SMG6: variants seen among roughly 807,000 people sequenced by gnomAD.
SMG6 encodes SMG6 nonsense mediated mRNA decay factor.
Under a neutral mutation model 142.2 loss-of-function variants are expected in SMG6, and 66 were observed. The observed-to-expected ratio is 0.46, with a 90% CI of 0.38 to 0.57. SMG6 has a LOEUF of 0.57. SMG6 is among the 20% of genes least tolerant of loss of function. The probability of loss-of-function intolerance (pLI) is 0.00; values close to 1 mark genes in which losing one functional copy is unlikely to be tolerated. For synonymous variants in SMG6, 779 were observed against 702.4 expected (o/e 1.11, Z -1.72); for missense variants, 1,793 against 1,832.0 (o/e 0.98, Z 0.39).
intron 8 of SMG6, among the ~76,000 whole-genome samples, chr17:2,262,892 G>A (rs1344186418): frequency 6.6e-6 from 1 of 152,146 alleles, no homozygotes; most frequent in Non-Finnish European, 1.5e-5. Flanking sequence ...TTTCCTCAGA[G>A]ACTACTAGCT....
chr17:2,183,365 C>T (rs997772371), intron 12 of SMG6, among the ~76,000 whole-genome samples: 4 of 152,148 alleles, frequency 2.6e-5, no homozygotes, highest in South Asian at 2.1e-4. Context: ...GGAGCCTACA[C>T]GCACAGTTGT....
intron 1 of SMG6, 178 bp downstream of exon 1, chr17:2,303,455 C>T (rs1038282100): frequency 3.7e-5 from 49 of 1,314,316 alleles, no homozygotes; most frequent in Middle Eastern, 2.9e-4. Flanking sequence ...CCGAGCCCGA[C>T]CCCGCACTAA....
chr17:2,174,132 C>T (rs2071589605), intron 12 of SMG6, among the ~76,000 whole-genome samples: 2 of 152,140 alleles, frequency 1.3e-5, no homozygotes, highest in Admixed American at 6.5e-5. Flanking sequence ...GGTGTGGTGG[C>T]TCACGCCTGT....
intron 13 of SMG6, 114 bp downstream of exon 13, chr17:2,172,544 C>T: frequency 5.4e-6 from 6 of 1,116,644 alleles, no homozygotes; most frequent in East Asian, 2.5e-5. Flanking sequence ...CCCTTAACAC[C>T]CTTCTCAATG....
chr17:2,140,760 T>TA (rs959101241), intron 13 of SMG6, among the ~76,000 whole-genome samples: 143 of 148,666 alleles, frequency 9.6e-4, no homozygotes, highest in African/African-American at 2.3e-3. Flanking sequence ...AGTATTCAAT[T>TA]AAAAAAAAAA....
intron 13 of SMG6, among the ~76,000 whole-genome samples, chr17:2,104,674 A>T (rs916521968): frequency 1.3e-5 from 2 of 152,116 alleles, no homozygotes; most frequent in African/African-American, 4.8e-5. Flanking sequence ...GCTGTGGTGT[A>T]GATGAAGTGG....
intron 12 of SMG6, among the ~76,000 whole-genome samples, chr17:2,186,359 A>T (rs907321150): frequency 6.6e-6 from 1 of 152,154 alleles, no homozygotes; most frequent in African/African-American, 2.4e-5. Context: ...AGGCAGCTGC[A>T]GAGATGGTGA....
Position 2,283,480 on chromosome 17 carries a change from G to A in SMG6, c.2448+145C>T, listed in dbSNP as rs904749664. 5.5e-5 allele frequency: 37 copies of A among 672,758 alleles called. 1 individual carries two copies. The highest frequency in any genetic ancestry group is 3.3e-4 in the South Asian group (19 of 57,346). The allele number at this position is 672,758 out of a possible 1,614,324, so 41.7% of individuals were successfully genotyped here. On this transcript the variant is annotated intron_variant, in intron 7 of 18. Transcript: ENST00000263073. ...TTAAGGACACTATGAGTCATTCCCC[G>A]AGGACACACAGACACTGAGCAATAA...
At chr17:2,188,544 G>GC in intron 10 of SMG6, 29 bp from the exon 11 acceptor site, 1 of 1,593,630 alleles carries the variant, frequency 6.3e-7, no homozygotes, top group Non-Finnish European at 8.6e-7. Flanking sequence ...AACTCTCAGC[G>GC]CCCCAGGCGG....
chr17:2,160,119 C>T (rs1010894346), intron 13 of SMG6, among the ~76,000 whole-genome samples: 19 of 152,094 alleles, frequency 1.2e-4, no homozygotes, highest in Admixed American at 5.2e-4. Flanking sequence ...TATCTTGATA[C>T]GGGTATATAT....
At position 2,083,202 on chromosome 17, in the gene SMG6, G is replaced by A. The variant is rs1166449965; in HGVS notation, c.3535-1246C>T. On this transcript the variant is annotated intron_variant, in intron 14 of 18. Coordinates refer to ENST00000263073, the MANE Select transcript of SMG6 (RefSeq NM_017575.5). The stretch of plus-strand genomic sequence containing the variant: ...CTCAGCATCGTGAGGCCTGCTGCAG[G>A]CCCACCCTAGATCTGTTCAGTACAG... 2.0e-5 allele frequency among the ~76,000 whole-genome samples: 3 copies of A among 152,248 alleles called. No individual in the cohort carries two copies. The East Asian group carries it at 5.8e-4, about 29-fold the overall frequency.
chr17:2,180,815 G>C (rs1047175820), intron 12 of SMG6, among the ~76,000 whole-genome samples: 1 of 152,210 alleles, frequency 6.6e-6, no homozygotes, highest in Admixed American at 6.5e-5. Flanking sequence ...TGGAGGAAAA[G>C]CAAAGGAGAC....
At chr17:2,094,824 T>A (rs1031731634) in intron 13 of SMG6, 1 of 152,228 alleles carries the variant, frequency 6.6e-6, no homozygotes, top group African/African-American at 2.4e-5. Flanking sequence ...CAAAGCCAGA[T>A]AGGAGTCTGG....
intron 4 of SMG6, among the ~76,000 whole-genome samples, chr17:2,293,809 T>C (rs2075091114): frequency 6.6e-6 from 1 of 152,230 alleles, no homozygotes; most frequent in South Asian, 2.1e-4. Flanking sequence ...TTCTTCAAAC[T>C]GTTAACATCA....
At chr17:2,263,806 A>T (rs1165512638) in intron 8 of SMG6, among the ~76,000 whole-genome samples, 2 of 152,232 alleles carry the variant, frequency 1.3e-5, no homozygotes, top group Non-Finnish European at 2.9e-5. Flanking sequence ...ACGAGCCAAG[A>T]AAACAACGAT....
chr17:2,246,411 G>C (rs1047033077), intron 8 of SMG6, among the ~76,000 whole-genome samples: 7 of 152,218 alleles, frequency 4.6e-5, no homozygotes, highest in Admixed American at 4.6e-4. Context: ...TGACAAAACA[G>C]AACATCAATC....
intron 13 of SMG6, among the ~76,000 whole-genome samples, chr17:2,112,694 C>T (rs2069375177): frequency 6.7e-6 from 1 of 148,996 alleles, no homozygotes; most frequent in Admixed American, 6.7e-5. Context: ...AATCTGCATA[C>T]TTTAGCTATA....
chr17:2,245,199 C>T (rs1021976842), intron 8 of SMG6, among the ~76,000 whole-genome samples: 1 of 152,186 alleles, frequency 6.6e-6, no homozygotes, highest in South Asian at 2.1e-4. Context: ...CTAACTAGCT[C>T]ATCAAATTGT....
chr17:2,121,524 T>C (rs983813305), intron 13 of SMG6, among the ~76,000 whole-genome samples: 1 of 147,318 alleles, frequency 6.8e-6, no homozygotes, highest in African/African-American at 2.5e-5. Flanking sequence ...GGGATTATAA[T>C]ATAATTATAT....
Sources: allele counts gnomAD v4.1 joint callset (sites outside exome capture counted in the v4.1 genomes callset), GRCh38; gene constraint gnomAD v4.1.1; transcripts MANE v1.5; gene names NCBI Gene and HGNC (gene_info 2026-07-23, HGNC 2026-07-21).